Variants in PTPN21 observed in about 807,000 individuals in gnomAD.
PTPN21 encodes protein tyrosine phosphatase non-receptor type 21, also known as tyrosine-protein phosphatase non-receptor type 21.
Under a neutral mutation model 131.8 loss-of-function variants are expected in PTPN21, and 77 were observed. That is an observed-to-expected ratio of 0.58 (90% CI 0.49 to 0.71). The LOEUF (loss-of-function observed/expected upper bound fraction) is 0.71. Ranked by LOEUF, PTPN21 falls within the 30% of genes least tolerant of loss-of-function variation. The pLI is 0.00. For missense variants in PTPN21, 1,552 were observed against 1,527.1 expected, an observed-to-expected ratio of 1.02 and a Z score of -0.27; for synonymous variants, 715 against 621.3, an observed-to-expected ratio of 1.15 and a Z score of -2.24.
intron 4 of PTPN21, among the ~76,000 whole-genome samples, chr14:88,506,567 C>G (rs1258827823): frequency 2.6e-5 from 4 of 152,044 alleles, no homozygotes; most frequent in African/African-American, 9.7e-5. Flanking sequence ...CGTGAGACAC[C>G]GCACCCAGCC....
At chr14:88,503,885 G>T (rs2078049223) in intron 6 of PTPN21, 1 of 152,460 alleles carries the variant, frequency 6.6e-6, no homozygotes, top group Non-Finnish European at 1.5e-5. Flanking sequence ...AGGCAACACA[G>T]AGATTCATCA....
intron 4 of PTPN21, among the ~76,000 whole-genome samples, chr14:88,505,790 T>G (rs2078078812): frequency 6.6e-6 from 1 of 152,210 alleles, no homozygotes; most frequent in African/African-American, 2.4e-5. Flanking sequence ...TGTGTTGAAA[T>G]TTTTAATATT....
Position 88,485,805 on chromosome 14 carries a change from T to A in PTPN21, c.970A>T (p.Arg324Trp). Residue 324 changes from arginine to tryptophan, a missense_variant, in exon 11 of 19, where the codon AGG becomes TGG. Physicochemically the swap from Arg to Trp is moderately radical, Grantham distance 101. Around this residue, in one of 4 missense-constraint regions of PTPN21, gnomAD observed 1,016 missense variants for 883.5 expected, o/e 1.15. Transcript: ENST00000556564. Reference protein sequence around the residue: ...QTVTVNPIRRRSSSRMSLPKP... With the variant: ...QTVTVNPIRRWSSSRMSLPKP... ...ACCAGAGACATCCTTGAAGAAGACC[T>A]CCTCCTGATTGGGTTCACTGTGACA... 1 of 1,609,340 alleles carries A rather than the reference T, an allele frequency of 6.2e-7. No homozygotes were observed. Among genetic ancestry groups the A allele is most frequent in the Non-Finnish European group, 8.5e-7 (1 of 1,176,066 alleles).
intron 2 of PTPN21, among the ~76,000 whole-genome samples, chr14:88,525,729 G>A (rs2078465071): frequency 6.6e-6 from 1 of 152,120 alleles, no homozygotes; most frequent in South Asian, 2.1e-4. Flanking sequence ...AAAAACAGGT[G>A]CTCAAGAAAC....
chr14:88,483,523 C>T (rs2077683997), intron 12 of PTPN21, among the ~76,000 whole-genome samples: 2 of 152,174 alleles, frequency 1.3e-5, no homozygotes, highest in Non-Finnish European at 2.9e-5. Flanking sequence ...TCATCTTTTA[C>T]ACCAGGGCCG....
At chr14:88,544,869 C>CCAGG (rs2078753925) in intron 2 of PTPN21, among the ~76,000 whole-genome samples, 2 of 151,968 alleles carry the variant, frequency 1.3e-5, no homozygotes, top group African/African-American at 4.8e-5. Context: ...ACTCTGTCGC[C>CCAGG]CAGGCTGGAG....
intron 13 of PTPN21, among the ~76,000 whole-genome samples, chr14:88,476,471 A>C (rs555894939): frequency 2.0e-5 from 3 of 152,328 alleles, no homozygotes; most frequent in Non-Finnish European, 4.4e-5. Flanking sequence ...CTCTTTTACA[A>C]GGTAATCAGT....
At position 88,479,514 on chromosome 14, in the gene PTPN21, C is replaced by T; in HGVS notation, c.1917G>A (p.Glu639=). Residue 639 remains glutamate (E), a synonymous_variant, in exon 13 of 19, where the codon GAG becomes GAA. Transcript: ENST00000556564. ...HAQLHKRNSI[E]VAGLSHGLEG... is the part of the protein sequence containing the mutation. ...CCAGGCCGTGGCTGAGCCCGGCCACCTCGATGCTGTTCCGTTTGTGCAGCT... is the reference window on the plus strand; with the variant it reads ...CCAGGCCGTGGCTGAGCCCGGCCACTTCGATGCTGTTCCGTTTGTGCAGCT... 1 of 1,600,882 alleles carries T rather than the reference C, an allele frequency of 6.2e-7. No individual in the cohort carries two copies. The highest frequency in any genetic ancestry group is 1.1e-5 in the South Asian group (1 of 91,024).
chr14:88,547,760 C>A, intron 2 of PTPN21: 3 of 435,480 alleles, frequency 6.9e-6, no homozygotes, highest in Non-Finnish European at 1.4e-5. Flanking sequence ...CCAACACTTT[C>A]CCCTCCTCTA....
In PTPN21 at chr14:88,468,874, C is replaced by T. The variant is rs56815202; in HGVS notation, c.3396+42G>A. Reference sequence around the variant, plus strand: ...ACTATGTCCCTCTCTTCCCCAGCCTCATTTCCACCCAAAAAGGCCAGGTGA... The same window carrying T: ...ACTATGTCCCTCTCTTCCCCAGCCTTATTTCCACCCAAAAAGGCCAGGTGA... On this transcript the variant is annotated intron_variant, in intron 18 of 18. Transcript: ENST00000556564. The T allele has an allele frequency of 6.8e-3, 10,919 of 1,613,106 alleles. 645 individuals carry two copies. The African/African-American group carries it at 0.13, about 19-fold the overall frequency.
rs759667406 is a variant in PTPN21 at position 88,479,461 on chromosome 14, A to G, written c.1970T>C (p.Leu657Pro). The change falls in exon 13 of 19, where the codon CTA becomes CCA. Residue 657 changes from leucine to proline, a missense_variant. Around this residue, in one of 4 missense-constraint regions of PTPN21, gnomAD observed 1,016 missense variants for 883.5 expected, o/e 1.15. Coordinates refer to ENST00000556564, the MANE Select transcript of PTPN21 (RefSeq NM_007039.4). ...LEGLRLKERT[L>P]SASAAEVAPR... ...CGCCACCTCTGCCGCCGACGCGGAT[A>G]GGGTGCGCTCCTTGAGCCGCAGGCC... The G allele has an allele frequency of 6.9e-6, 11 of 1,601,998 alleles. No homozygotes were observed. The African/African-American group carries it at 1.2e-4, about 18-fold the overall frequency.
rs139338619 is a variant in PTPN21 at position 88,485,142 on chromosome 14, C to A, written c.1012G>T (p.Val338Leu). ...RMSLPKPQPY[V>L]MPPPPQLHYN... ...TGCAACTGCGGTGGGGGAGGCATCACGTAGGGCTGGGGTTTAGGCTAAGAA... is the reference window on the plus strand; with the variant it reads ...TGCAACTGCGGTGGGGGAGGCATCAAGTAGGGCTGGGGTTTAGGCTAAGAA... Residue 338 changes from valine (V) to leucine (L), a missense_variant, in exon 12 of 19, where the codon GTG becomes TTG. Physicochemically the swap from Val to Leu is conservative, Grantham distance 32 (BLOSUM62 1). Transcript: ENST00000556564. 6.2e-7 allele frequency: 1 copy of A among 1,602,188 alleles called. No homozygotes were observed. The highest frequency in any genetic ancestry group is 8.5e-7 in the Non-Finnish European group (1 of 1,171,748).
At chr14:88,494,380 A>T (rs60433681) in intron 10 of PTPN21, among the ~76,000 whole-genome samples, 1 of 152,160 alleles carries the variant, frequency 6.6e-6, no homozygotes, top group South Asian at 2.1e-4. Flanking sequence ...TTTTATTAGA[A>T]GTAAAATGGG....
At chr14:88,503,675 G>A (rs1384325894) in intron 6 of PTPN21, among the ~76,000 whole-genome samples, 1 of 152,174 alleles carries the variant, frequency 6.6e-6, no homozygotes, top group Non-Finnish European at 1.5e-5. Flanking sequence ...CTGAGAACAC[G>A]TAGGGTAGGT....
intron 5 of PTPN21, 48 bp from the exon 6 acceptor site, chr14:88,504,543 C>T: frequency 6.8e-7 from 1 of 1,473,480 alleles, no homozygotes; most frequent in East Asian, 2.3e-5. Context: ...ACCCCAATTT[C>T]TTAGAAGGAA....
At chr14:88,506,890 A>C (rs1271953251) in intron 4 of PTPN21, among the ~76,000 whole-genome samples, 1 of 152,004 alleles carries the variant, frequency 6.6e-6, no homozygotes, top group Non-Finnish European at 1.5e-5. Flanking sequence ...AAAAATACAA[A>C]AATTAGTTGG....
intron 6 of PTPN21, among the ~76,000 whole-genome samples, chr14:88,501,847 TG>T (rs1379083046): frequency 6.6e-6 from 1 of 151,708 alleles, no homozygotes; most frequent in Non-Finnish European, 1.5e-5. Context: ...TAGCCAGGCA[TG>T]GTGGTGCACA....
At chr14:88,498,353 A>G (rs1314807865) in intron 8 of PTPN21, among the ~76,000 whole-genome samples, 1 of 152,210 alleles carries the variant, frequency 6.6e-6, no homozygotes, top group Non-Finnish European at 1.5e-5. Flanking sequence ...AATTGAAGTA[A>G]CAGCAGCTAG....
chr14:88,516,877 T>C (rs369725703), intron 3 of PTPN21, among the ~76,000 whole-genome samples: 1 of 152,208 alleles, frequency 6.6e-6, no homozygotes, highest in African/African-American at 2.4e-5. Flanking sequence ...TTTTTCCCTT[T>C]AATTATTCCT....
Sources: gnomAD v4.1 joint callset for allele counts (sites outside exome capture counted in the v4.1 genomes callset) on GRCh38, gnomAD v4.1.1 for gene constraint, gnomAD v4.1.1 regional missense constraint, MANE v1.5 for transcripts, NCBI Gene and HGNC (gene_info 2026-07-23, HGNC 2026-07-21) for gene names.